The following DTWD2 variants were observed in gnomAD, a reference collection of about 807,000 sequenced individuals.
DTWD2 encodes tRNA-uridine aminocarboxypropyltransferase 2.
Under a neutral mutation model 31.8 loss-of-function variants are expected in DTWD2, and 39 were observed. The observed-to-expected ratio is 1.22, with a 90% confidence interval of 0.95 to 1.60. DTWD2 has a LOEUF of 1.60. Among genes scored for constraint, DTWD2 ranks in the 40% most tolerant of loss-of-function variants. The probability of loss-of-function intolerance (pLI) is 0.00; values close to 1 mark genes in which losing one functional copy is unlikely to be tolerated. For missense variants in DTWD2, 515 were observed against 381.5 expected (o/e 1.35, Z -2.92); for synonymous variants, 180 against 142.8 (o/e 1.26, Z -1.86).
intron 4 of DTWD2, among the ~76,000 whole-genome samples, chr5:118,871,258 T>C (rs1194403513): frequency 6.6e-6 from 1 of 152,216 alleles, no homozygotes; most frequent in Non-Finnish European, 1.5e-5. Context: ...CTCACTGAAG[T>C]CTTGAACCCC....
rs1283552803 is a variant in DTWD2 at position 118,876,404 on chromosome 5, A to G, written c.598-28186T>C. On this transcript the variant is annotated intron_variant, in intron 4 of 5. Coordinates refer to ENST00000510708, the MANE Select transcript of DTWD2 (RefSeq NM_173666.4). ...GAAAAACCGTGAATTGAAGGAGACT[A>G]AGACATGAAAAACCATTCAAAAGAC... Among the ~76,000 whole-genome samples, 5 of 152,032 alleles carry G rather than the reference A, an allele frequency of 3.3e-5. No individual in the cohort carries two copies. The East Asian group carries it at 7.7e-4, about 23-fold the overall frequency.
intron 4 of DTWD2, among the ~76,000 whole-genome samples, chr5:118,905,912 A>G (rs1382482100): frequency 6.6e-6 from 1 of 152,158 alleles, no homozygotes; most frequent in Non-Finnish European, 1.5e-5. Context: ...ATCCCAAGAG[A>G]CTGCTTAGAG....
At position 118,837,107 on chromosome 5, in the gene DTWD2, T is replaced by A. The variant is rs1350527537; in HGVS notation, c.*3810A>T. ...AAATAACAACAGCTAGTACATACAA[T>A]AAGAATAGTATAAAAGGGAAGGGGA... On this transcript the variant is annotated 3_prime_UTR_variant, in exon 6 of 6. Coordinates refer to ENST00000510708, the MANE Select transcript of DTWD2 (RefSeq NM_173666.4). Among the ~76,000 whole-genome samples, 2 of 152,000 alleles carry A rather than the reference T, an allele frequency of 1.3e-5. No homozygotes were observed. The highest frequency in any genetic ancestry group is 2.9e-5 in the Non-Finnish European group (2 of 67,992).
chr5:118,985,509 T>TATATATATATATATATAC (rs1755406233), intron 1 of DTWD2, among the ~76,000 whole-genome samples: 1 of 124,364 alleles, frequency 8.0e-6, no homozygotes, highest in African/African-American at 3.1e-5. Flanking sequence ...TATATATATA[T>TATATATATATATATATAC]ATATATATAC....
chr5:118,936,589 G>A (rs1754050867), intron 3 of DTWD2, among the ~76,000 whole-genome samples: 1 of 152,108 alleles, frequency 6.6e-6, no homozygotes, highest in African/African-American at 2.4e-5. Context: ...AGGATCACTT[G>A]AGGCCAGGAG....
chr5:118,947,507 A>G (rs193133128), intron 1 of DTWD2, among the ~76,000 whole-genome samples: 88 of 152,236 alleles, frequency 5.8e-4, no homozygotes, highest in African/African-American at 2.0e-3. Flanking sequence ...GCTTTTCCCC[A>G]ACGTCAAACT....
intron 4 of DTWD2, among the ~76,000 whole-genome samples, chr5:118,891,692 G>T (rs1353331708): frequency 1.3e-5 from 2 of 152,106 alleles, no homozygotes; most frequent in African/African-American, 4.8e-5. Context: ...TTTCAGATAT[G>T]AATGCAACAC....
intron 4 of DTWD2, among the ~76,000 whole-genome samples, chr5:118,913,457 G>GTA (rs1363835666): frequency 2.0e-5 from 3 of 148,066 alleles, no homozygotes; most frequent in African/African-American, 7.4e-5. Flanking sequence ...ACACGTGTGT[G>GTA]TGTGTTTCTC....
chr5:118,962,955 C>T (rs1380610550), intron 1 of DTWD2, among the ~76,000 whole-genome samples: 1 of 152,186 alleles, frequency 6.6e-6, no homozygotes, highest in Non-Finnish European at 1.5e-5. Context: ...AAAGTCTTAA[C>T]ACATAGTTCT....
chr5:118,969,405 C>T (rs1754931155), intron 1 of DTWD2, among the ~76,000 whole-genome samples: 1 of 152,228 alleles, frequency 6.6e-6, no homozygotes, highest in Admixed American at 6.5e-5. Context: ...GGGCTCCAGA[C>T]ACCTTCTACA....
chr5:118,909,830 T>A (rs1485751212), intron 4 of DTWD2, among the ~76,000 whole-genome samples: 1 of 152,182 alleles, frequency 6.6e-6, no homozygotes, highest in Non-Finnish European at 1.5e-5. Flanking sequence ...CTGAAGCCAC[T>A]GTATTCCCCC....
At position 118,838,833 on chromosome 5, in the gene DTWD2, T is replaced by G. The variant is rs1751636752; in HGVS notation, c.*2084A>C. ...ACTCTTAAAAATCAATAAAGTAAAA[T>G]TTTGAGATACAAAATGGTATACTGG... On this transcript the variant is annotated 3_prime_UTR_variant, in exon 6 of 6. Transcript: ENST00000510708. The G allele has an allele frequency of 6.6e-6, 1 of 152,116 alleles. No homozygotes were observed. Among genetic ancestry groups the G allele is most frequent in the Non-Finnish European group, 1.5e-5 (1 of 68,022 alleles). 9.4% of individuals were successfully genotyped at this position (152,116 alleles called of 1,614,324 possible).
intron 1 of DTWD2, among the ~76,000 whole-genome samples, chr5:118,972,778 G>C (rs1755016876): frequency 6.6e-6 from 1 of 152,174 alleles, no homozygotes; most frequent in South Asian, 2.1e-4. Context: ...TATCTGTCAT[G>C]ATCAAGTTGG....
chr5:118,937,634 T>C (rs1449388558), intron 3 of DTWD2, among the ~76,000 whole-genome samples: 1 of 152,206 alleles, frequency 6.6e-6, no homozygotes, highest in Non-Finnish European at 1.5e-5. Context: ...CAGAGTCATA[T>C]GAATAAGCTC....
rs1373589851 is a variant in DTWD2 at position 118,840,814 on chromosome 5, C to T, written c.*103G>A. 3.5e-5 allele frequency: 44 copies of T among 1,241,290 alleles called. No homozygotes were observed. Among genetic ancestry groups the T allele is most frequent in the Non-Finnish European group, 3.7e-5 (34 of 928,264 alleles). The allele number at this position is 1,241,290 out of a possible 1,614,324, so 76.9% of individuals were successfully genotyped here. A position where few individuals can be genotyped will look rare whatever the true frequency, so the allele number is the denominator to read the frequency against. On this transcript the variant is annotated 3_prime_UTR_variant, in exon 6 of 6. Transcript: ENST00000510708. ...CTGGGTAAGATTAGTATGCAATTCT[C>T]CTTCTTTAGCAAGTCAAAAACCTAC...
In DTWD2 at chr5:118,836,126, G is replaced by GT. The variant is rs1295542960; in HGVS notation, c.*4790dup. On this transcript the variant is annotated 3_prime_UTR_variant, in exon 6 of 6. Transcript: ENST00000510708. ...AATATACTTCTAAGTAACAATAACAGTAAGACATATAGTAAAATTTCTTAT... is the reference window on the plus strand; with the variant it reads ...AATATACTTCTAAGTAACAATAACAGTTAAGACATATAGTAAAATTTCTTAT... Among the ~76,000 whole-genome samples the GT allele has an allele frequency of 5.9e-5, 9 of 152,094 alleles. No individual in the cohort carries two copies. Among genetic ancestry groups the GT allele is most frequent in the African/African-American group, 2.2e-4 (9 of 41,510 alleles).
At chr5:118,958,584 CAAAA>C (rs139781494) in intron 1 of DTWD2, among the ~76,000 whole-genome samples, 1 of 107,952 alleles carries the variant, frequency 9.3e-6, no homozygotes, top group Non-Finnish European at 2.0e-5. Context: ...CACAGAAAGA[CAAAA>C]AAAAAAAAAA....
Position 118,840,875 on chromosome 5 carries a change from T to A in DTWD2, c.*42A>T, listed in dbSNP as rs1316042341. ...TATATGAAAACTTAATTTGGTATTG[T>A]TAGATGAAGACAGTTAAGCTAGCAC... On this transcript the variant is annotated 3_prime_UTR_variant, in exon 6 of 6. Coordinates refer to ENST00000510708, the MANE Select transcript of DTWD2 (RefSeq NM_173666.4). 1.7e-5 allele frequency: 27 copies of A among 1,584,612 alleles called. No homozygotes were observed. The highest frequency in any genetic ancestry group is 2.3e-5 in the Non-Finnish European group (27 of 1,166,472).
chr5:118,946,034 G>A (rs985334893), intron 1 of DTWD2, among the ~76,000 whole-genome samples: 1 of 152,188 alleles, frequency 6.6e-6, no homozygotes, highest in African/African-American at 2.4e-5. Flanking sequence ...ACCATACAGT[G>A]TGGGTAAATT....
Sources: gnomAD v4.1 joint callset for allele counts (sites outside exome capture counted in the v4.1 genomes callset) on GRCh38, gnomAD v4.1.1 for gene constraint, MANE v1.5 for transcripts, NCBI Gene and HGNC (gene_info 2026-07-23, HGNC 2026-07-21) for gene names.